Variants in AGBL4 observed in about 807,000 individuals in gnomAD.
AGBL4 encodes AGBL carboxypeptidase 4, also known as cytosolic carboxypeptidase 6.
AGBL4 carries 58 observed loss-of-function variants against 66.4 expected under a neutral mutation model. That is an observed-to-expected ratio of 0.87 (90% CI 0.71 to 1.09). The LOEUF (loss-of-function observed/expected upper bound fraction) is 1.09. Ranked by LOEUF, AGBL4 falls within the 50% of genes least tolerant of loss-of-function variation. The pLI, the probability that AGBL4 is intolerant of heterozygous loss-of-function variation, is 0.00. For missense variants in AGBL4, 579 were observed against 631.0 expected (o/e 0.92, Z 0.88); for synonymous variants, 234 against 222.9 (o/e 1.05, Z -0.44).
At chr1:49,472,258 C>T (rs60786438) in intron 3 of AGBL4, among the ~76,000 whole-genome samples, 4,879 of 151,984 alleles carry the variant, frequency 0.032, 270 homozygotes, top group African/African-American at 0.11. Flanking sequence ...TAATCTAATA[C>T]ACAAAATGGT....
chr1:49,715,620 C>T (rs995377158), intron 2 of AGBL4, among the ~76,000 whole-genome samples: 1 of 152,064 alleles, frequency 6.6e-6, no homozygotes, highest in African/African-American at 2.4e-5. Flanking sequence ...TCCTCTCCAG[C>T]GTCTGTTGTT....
Position 49,972,163 on chromosome 1 carries a change from C to A in AGBL4, c.34+51600G>T, listed in dbSNP as rs749786201. Among the ~76,000 whole-genome samples the A allele has an allele frequency of 5.1e-4, 77 of 151,592 alleles. 1 individual carries two copies. The highest frequency in any genetic ancestry group is 2.9e-5 in the Non-Finnish European group (2 of 67,920). On this transcript the variant is annotated intron_variant, in intron 1 of 13. Coordinates refer to ENST00000371839, the MANE Select transcript of AGBL4 (RefSeq NM_032785.4). ...CGATCTCCTGACCTCATGATCCAGG[C>A]CTCCCAAAGTGCTGGGATTACAGGC...
chr1:48,704,797 C>G (rs1238252502), intron 6 of AGBL4, among the ~76,000 whole-genome samples: 1 of 152,152 alleles, frequency 6.6e-6, no homozygotes, highest in East Asian at 1.9e-4. Flanking sequence ...TAGTTAACTT[C>G]TTTGTATAAG....
At chr1:49,546,158 C>CT (rs1419436547) in intron 3 of AGBL4, among the ~76,000 whole-genome samples, 1 of 152,168 alleles carries the variant, frequency 6.6e-6, no homozygotes, top group Non-Finnish European at 1.5e-5. Context: ...AGTTACTTCA[C>CT]TTAGAATAGT....
chr1:48,750,723 T>C (rs533167362), intron 6 of AGBL4, among the ~76,000 whole-genome samples: 5 of 152,308 alleles, frequency 3.3e-5, no homozygotes, highest in Non-Finnish European at 5.9e-5. Flanking sequence ...AATAATGAGA[T>C]AGGCTGCACT....
intron 9 of AGBL4, among the ~76,000 whole-genome samples, chr1:48,628,801 C>A (rs2148407124): frequency 6.6e-6 from 1 of 151,764 alleles, no homozygotes; most frequent in South Asian, 2.1e-4. Flanking sequence ...GCAGATTTCT[C>A]AAAAAAGCTT....
intron 4 of AGBL4, among the ~76,000 whole-genome samples, chr1:49,214,086 C>T (rs1463246139): frequency 1.3e-5 from 2 of 152,096 alleles, no homozygotes; most frequent in African/African-American, 2.4e-5. Context: ...ATCCAGAGTT[C>T]AAGACTAGCA....
chr1:48,616,729 G>A (rs1645324777), intron 9 of AGBL4, among the ~76,000 whole-genome samples: 1 of 152,200 alleles, frequency 6.6e-6, no homozygotes, highest in Non-Finnish European at 1.5e-5. Context: ...GATGGGAGTA[G>A]AACCCAAAGC....
chr1:49,887,600 T>C (rs1404615597), intron 1 of AGBL4, among the ~76,000 whole-genome samples: 2 of 152,168 alleles, frequency 1.3e-5, no homozygotes, highest in Non-Finnish European at 2.9e-5. Flanking sequence ...CAATATTTGC[T>C]TTGTACAATA....
At chr1:48,888,282 T>C (rs759697533) in intron 5 of AGBL4, among the ~76,000 whole-genome samples, 4 of 152,160 alleles carry the variant, frequency 2.6e-5, no homozygotes, top group Non-Finnish European at 5.9e-5. Context: ...GCTTTCTGCA[T>C]GTCAATGGGG....
At chr1:49,088,453 T>C (rs1247366822) in intron 4 of AGBL4, among the ~76,000 whole-genome samples, 1 of 151,960 alleles carries the variant, frequency 6.6e-6, no homozygotes, top group Non-Finnish European at 1.5e-5. Flanking sequence ...ATTCTAATTT[T>C]GGGCCAAAAA....
At chr1:49,790,918 T>C (rs1410845937) in intron 2 of AGBL4, among the ~76,000 whole-genome samples, 7 of 152,194 alleles carry the variant, frequency 4.6e-5, no homozygotes, top group Admixed American at 1.3e-4. Flanking sequence ...AATTGACTGA[T>C]AGAAGCTAAA....
At chr1:48,587,188 G>A in intron 10 of AGBL4, 22 bp from the exon 11 acceptor site, 2 of 1,531,736 alleles carry the variant, frequency 1.3e-6, no homozygotes, top group Middle Eastern at 1.7e-4. Flanking sequence ...AGAGTAGGGA[G>A]GAGAGAATCA....
chr1:49,171,129 G>C (rs1646730936), intron 4 of AGBL4, among the ~76,000 whole-genome samples: 1 of 152,186 alleles, frequency 6.6e-6, no homozygotes, highest in Non-Finnish European at 1.5e-5. Flanking sequence ...TCAGGGAGGT[G>C]TGTTTCATTG....
At chr1:48,636,375 T>C (rs319986) in intron 8 of AGBL4, among the ~76,000 whole-genome samples, 107,498 of 151,836 alleles carry the variant, frequency 0.71, 39,008 homozygotes, top group African/African-American at 0.85. Flanking sequence ...TACCTTTACA[T>C]GAATTATCGC....
chr1:48,592,096 A>T (rs553513503), intron 9 of AGBL4, among the ~76,000 whole-genome samples: 124 of 152,346 alleles, frequency 8.1e-4, no homozygotes, highest in African/African-American at 2.9e-3. Flanking sequence ...GCTTATATCC[A>T]TTAACCCTTT....
At chr1:49,113,215 TC>T (rs1015986299) in intron 4 of AGBL4, among the ~76,000 whole-genome samples, 9 of 151,888 alleles carry the variant, frequency 5.9e-5, no homozygotes, top group Admixed American at 5.9e-4. Flanking sequence ...CTCCCAAAGT[TC>T]TGGGATTACA....
intron 1 of AGBL4, among the ~76,000 whole-genome samples, chr1:50,008,587 T>C (rs1264305234): frequency 6.6e-6 from 1 of 151,516 alleles, no homozygotes; most frequent in African/African-American, 2.4e-5. Flanking sequence ...AACCTAATGA[T>C]GCATCTTAAA....
At chr1:49,988,752 T>C (rs1391585563) in intron 1 of AGBL4, among the ~76,000 whole-genome samples, 1 of 152,162 alleles carries the variant, frequency 6.6e-6, no homozygotes, top group African/African-American at 2.4e-5. Context: ...TCTGCAGCTA[T>C]AAAAATCACT....
Sources: gnomAD v4.1 joint callset for allele counts (sites outside exome capture counted in the v4.1 genomes callset) on GRCh38, gnomAD v4.1.1 for gene constraint, MANE v1.5 for transcripts, NCBI Gene and HGNC (gene_info 2026-07-23, HGNC 2026-07-21) for gene names.